GPC5: variants seen among roughly 807,000 people sequenced by gnomAD.
GPC5 encodes the protein glypican-5.
GPC5 carries 47 observed loss-of-function variants against 53.9 expected under a neutral mutation model. The observed-to-expected ratio is 0.87, with a 90% CI of 0.69 to 1.11. GPC5 has a LOEUF of 1.11. Among genes scored for constraint, GPC5 ranks in the 50% most tolerant of loss-of-function variants. The pLI, the probability that GPC5 is intolerant of heterozygous loss-of-function variation, is 0.00. For synonymous variants in GPC5, 286 were observed against 263.3 expected, an observed-to-expected ratio of 1.09 and a Z score of -0.84; for missense variants, 748 against 713.1, an observed-to-expected ratio of 1.05 and a Z score of -0.56.
At chr13:92,594,204 G>A (rs2139071425) in intron 7 of GPC5, among the ~76,000 whole-genome samples, 1 of 152,254 alleles carries the variant, frequency 6.6e-6, no homozygotes, top group East Asian at 1.9e-4. Flanking sequence ...CCAGGAGTGT[G>A]AAATGGAACT....
chr13:92,797,854 T>TAGAC (rs1876747697), intron 7 of GPC5, among the ~76,000 whole-genome samples: 1 of 151,312 alleles, frequency 6.6e-6, no homozygotes, highest in South Asian at 2.1e-4. Context: ...GATAGATAGA[T>TAGAC]AGATAGATAG....
At chr13:92,268,561 G>A (rs7317136) in intron 7 of GPC5, among the ~76,000 whole-genome samples, 52,342 of 151,112 alleles carry the variant, frequency 0.35, 9,676 homozygotes, top group African/African-American at 0.48. Context: ...CTATATGATG[G>A]ATATTTAGGT....
chr13:92,469,148 C>T (rs1878812392), intron 7 of GPC5, among the ~76,000 whole-genome samples: 1 of 152,100 alleles, frequency 6.6e-6, no homozygotes, highest in Non-Finnish European at 1.5e-5. Context: ...TTGTTAAAGA[C>T]ATTTTTACAT....
chr13:92,783,320 C>T (rs1005343658), intron 7 of GPC5, among the ~76,000 whole-genome samples: 1 of 152,136 alleles, frequency 6.6e-6, no homozygotes, highest in African/African-American at 2.4e-5. Context: ...CTGCTGAGTG[C>T]ATTGAGAGTT....
intron 5 of GPC5, among the ~76,000 whole-genome samples, chr13:91,879,749 T>A (rs1465437149): frequency 6.6e-6 from 1 of 152,206 alleles, no homozygotes; most frequent in Non-Finnish European, 1.5e-5. Context: ...TAGCAGTAAA[T>A]GTACAATATA....
intron 2 of GPC5, among the ~76,000 whole-genome samples, chr13:91,523,748 C>T (rs1566474895): frequency 6.6e-6 from 1 of 152,110 alleles, no homozygotes; most frequent in East Asian, 1.9e-4. Context: ...CACACAGCAC[C>T]CATGTGAGGT....
At chr13:92,503,709 C>T (rs1428314812) in intron 7 of GPC5, among the ~76,000 whole-genome samples, 1 of 151,816 alleles carries the variant, frequency 6.6e-6, no homozygotes, top group African/African-American at 2.4e-5. Context: ...ACTCCATAAA[C>T]ATTAAAACAA....
chr13:92,635,116 T>C (rs905790717), intron 7 of GPC5, among the ~76,000 whole-genome samples: 1 of 152,126 alleles, frequency 6.6e-6, no homozygotes, highest in Non-Finnish European at 1.5e-5. Context: ...TTTTATCTGA[T>C]GTTTTCTGTT....
chr13:91,840,757 T>A (rs1174373416), intron 5 of GPC5, among the ~76,000 whole-genome samples: 35 of 151,770 alleles, frequency 2.3e-4, no homozygotes, highest in African/African-American at 8.2e-4. Context: ...TTTTTTTTTT[T>A]TTAAAAAACA....
At chr13:92,547,218 TTTAG>T (rs1281598268) in intron 7 of GPC5, among the ~76,000 whole-genome samples, 1 of 152,138 alleles carries the variant, frequency 6.6e-6, no homozygotes, top group Non-Finnish European at 1.5e-5. Context: ...GAAAATGAAT[TTTAG>T]TTCTTTTTAA....
chr13:91,951,362 T>G (rs2040024335), intron 6 of GPC5, among the ~76,000 whole-genome samples: 1 of 152,152 alleles, frequency 6.6e-6, no homozygotes, highest in Non-Finnish European at 1.5e-5. Context: ...TGTGAATATA[T>G]GTATTATGTA....
At chr13:91,497,073 GT>G (rs202129545) in intron 2 of GPC5, among the ~76,000 whole-genome samples, 6 of 149,790 alleles carry the variant, frequency 4.0e-5, no homozygotes, top group Admixed American at 6.7e-5. Context: ...CCTCTAAGTT[GT>G]TTTTTTTTAA....
chr13:92,698,671 G>A (rs986744761), intron 7 of GPC5, among the ~76,000 whole-genome samples: 1 of 152,060 alleles, frequency 6.6e-6, no homozygotes, highest in Admixed American at 6.6e-5. Context: ...AATCCTTTGG[G>A]TTTATACCCA....
intron 7 of GPC5, among the ~76,000 whole-genome samples, chr13:92,154,135 G>A (rs1438816113): frequency 6.6e-6 from 1 of 152,096 alleles, no homozygotes; most frequent in Non-Finnish European, 1.5e-5. Flanking sequence ...TGTATCACAT[G>A]GAGAGAGAGG....
intron 7 of GPC5, among the ~76,000 whole-genome samples, chr13:92,213,799 C>T (rs1310365167): frequency 6.6e-6 from 1 of 152,098 alleles, no homozygotes; most frequent in Non-Finnish European, 1.5e-5. Flanking sequence ...GTCCTGCTTT[C>T]ATTAGATAGA....
intron 6 of GPC5, among the ~76,000 whole-genome samples, chr13:91,936,121 G>A (rs1373542521): frequency 1.3e-5 from 2 of 151,996 alleles, no homozygotes; most frequent in Non-Finnish European, 2.9e-5. Context: ...TATTAACTAG[G>A]ATAAGCAAAC....
At chr13:91,823,034 A>T (rs561075120) in intron 5 of GPC5, among the ~76,000 whole-genome samples, 119 of 152,258 alleles carry the variant, frequency 7.8e-4, no homozygotes, top group Non-Finnish European at 1.6e-3. Context: ...GGGTTCTGAC[A>T]TCTACTAAAC....
At chr13:92,847,930 T>C (rs933018524) in intron 7 of GPC5, among the ~76,000 whole-genome samples, 1 of 152,220 alleles carries the variant, frequency 6.6e-6, no homozygotes, top group Non-Finnish European at 1.5e-5. Context: ...AGATGATTAT[T>C]TCTAACTTAC....
At chr13:91,598,324 T>C (rs2033065390) in intron 2 of GPC5, among the ~76,000 whole-genome samples, 1 of 109,342 alleles carries the variant, frequency 9.1e-6, no homozygotes, top group Middle Eastern at 4.6e-3. Flanking sequence ...TCTAGTAAAA[T>C]TGAAAAAAAA....
Sources: allele counts gnomAD v4.1 joint callset (sites outside exome capture counted in the v4.1 genomes callset), GRCh38; gene constraint gnomAD v4.1.1; transcripts MANE v1.5; gene names NCBI Gene and HGNC (gene_info 2026-07-23, HGNC 2026-07-21).